Variants in AGBL1 observed in about 807,000 individuals in gnomAD.
The protein encoded by AGBL1 is AGBL carboxypeptidase 1, also known as cytosolic carboxypeptidase 4.
AGBL1 carries 130 observed loss-of-function variants against 118.9 expected under a neutral mutation model. The ratio of observed to expected loss-of-function variants is 1.09; its 90% CI spans 0.95 to 1.26. The LOEUF is 1.26. Ranked by LOEUF, AGBL1 falls within the 50% of genes most tolerant of loss-of-function variation. AGBL1 has a pLI of 0.00. For synonymous variants in AGBL1, 555 were observed against 478.9 expected, an observed-to-expected ratio of 1.16 and a Z score of -2.08; for missense variants, 1,584 against 1,298.1, an observed-to-expected ratio of 1.22 and a Z score of -3.38.
chr15:86,497,777 G>C (rs1448141958), intron 18 of AGBL1, among the ~76,000 whole-genome samples: 1 of 151,850 alleles, frequency 6.6e-6, no homozygotes, highest in Non-Finnish European at 1.5e-5. Flanking sequence ...AGAGCTACCT[G>C]GTGCACCCAG....
chr15:86,767,561 C>A (rs554443186), intron 22 of AGBL1, among the ~76,000 whole-genome samples: 1 of 151,940 alleles, frequency 6.6e-6, no homozygotes, highest in Non-Finnish European at 1.5e-5. Flanking sequence ...ATTCCTTGAA[C>A]TGAAGGAAAT....
chr15:86,254,665 G>A (rs556357804), intron 7 of AGBL1, among the ~76,000 whole-genome samples: 1 of 152,292 alleles, frequency 6.6e-6, no homozygotes, highest in African/African-American at 2.4e-5. Flanking sequence ...TGGTCCATAA[G>A]GATCCTATTT....
chr15:86,787,256 T>C (rs1024202638), intron 22 of AGBL1, among the ~76,000 whole-genome samples: 3 of 152,166 alleles, frequency 2.0e-5, no homozygotes, highest in African/African-American at 7.2e-5. Flanking sequence ...ATATGTGTGG[T>C]GAGAGCACCT....
intron 22 of AGBL1, among the ~76,000 whole-genome samples, chr15:86,674,893 G>A (rs2085810360): frequency 6.6e-6 from 1 of 152,110 alleles, no homozygotes; most frequent in Admixed American, 6.6e-5. Context: ...GAAGATGAAG[G>A]GAACCACCTG....
chr15:86,106,229 G>GGA (rs1282961008), intron 1 of AGBL1, among the ~76,000 whole-genome samples: 1 of 152,170 alleles, frequency 6.6e-6, no homozygotes, highest in African/African-American at 2.4e-5. Context: ...CTTGGTCTTT[G>GGA]TAAGATGTGA....
At chr15:86,543,816 A>G (rs962329921) in intron 19 of AGBL1, among the ~76,000 whole-genome samples, 3 of 152,218 alleles carry the variant, frequency 2.0e-5, no homozygotes, top group East Asian at 1.9e-4. Context: ...TGCTATATCC[A>G]TCTTATTCAT....
At chr15:86,087,675 C>G (rs1304422848) in intron 1 of AGBL1, among the ~76,000 whole-genome samples, 1 of 152,164 alleles carries the variant, frequency 6.6e-6, no homozygotes, top group African/African-American at 2.4e-5. Context: ...ATATTATCCT[C>G]ATTTTAAAGC....
chr15:86,968,872 A>T (rs2081079986), intron 23 of AGBL1, among the ~76,000 whole-genome samples: 1 of 151,890 alleles, frequency 6.6e-6, no homozygotes, highest in Admixed American at 6.6e-5. Context: ...TAGCTTTCTC[A>T]CATCGTGGAA....
At chr15:86,746,469 A>C (rs1199963589) in intron 22 of AGBL1, among the ~76,000 whole-genome samples, 1 of 151,994 alleles carries the variant, frequency 6.6e-6, no homozygotes, top group East Asian at 1.9e-4. Flanking sequence ...GGTTCAGAAC[A>C]TACCTTGCAC....
intron 23 of AGBL1, among the ~76,000 whole-genome samples, chr15:86,968,567 A>G (rs2081076894): frequency 6.6e-6 from 1 of 150,422 alleles, no homozygotes; most frequent in Admixed American, 6.6e-5. Flanking sequence ...AGGCCCCGTG[A>G]CTACACCATG....
In AGBL1 at chr15:86,823,281, C is replaced by T. The variant is rs75816422; in HGVS notation, c.3159-83806C>T. Among the ~76,000 whole-genome samples, 907 of 152,180 alleles carry T rather than the reference C, an allele frequency of 6.0e-3. 9 individuals are homozygous for T. Among genetic ancestry groups the T allele is most frequent in the Admixed American group, 9.8e-3 (150 of 15,276 alleles). On this transcript the variant is annotated intron_variant, in intron 22 of 22. Coordinates refer to ENST00000614907, the MANE Select transcript of AGBL1 (RefSeq NM_001386094.1). ...GCCTTGAGAGAAAGGGTGGGACATA[C>T]GACCTGAGATATGGACATTGGACGA...
At chr15:86,372,156 G>A (rs1005744393) in intron 17 of AGBL1, among the ~76,000 whole-genome samples, 1 of 152,224 alleles carries the variant, frequency 6.6e-6, no homozygotes, top group Non-Finnish European at 1.5e-5. Context: ...GGCATGAAGT[G>A]CATATGAGTT....
intron 1 of AGBL1, among the ~76,000 whole-genome samples, chr15:86,123,574 C>G (rs1041257694): frequency 6.6e-6 from 1 of 152,176 alleles, no homozygotes; most frequent in Non-Finnish European, 1.5e-5. Flanking sequence ...TCATTCCTTT[C>G]TATTGATCCC....
chr15:86,497,375 T>G (rs994513519), intron 18 of AGBL1, among the ~76,000 whole-genome samples: 2 of 152,044 alleles, frequency 1.3e-5, no homozygotes, highest in African/African-American at 4.8e-5. Context: ...AAAATTGTCT[T>G]CCCTCAGCTC....
At chr15:86,135,677 T>C (rs574431886) in intron 1 of AGBL1, among the ~76,000 whole-genome samples, 1 of 152,290 alleles carries the variant, frequency 6.6e-6, no homozygotes, top group South Asian at 2.1e-4. Flanking sequence ...GCAAGAGGAA[T>C]GAGTCAAAAA....
At chr15:86,471,357 G>C (rs944345191) in intron 18 of AGBL1, among the ~76,000 whole-genome samples, 1 of 152,086 alleles carries the variant, frequency 6.6e-6, no homozygotes, top group African/African-American at 2.4e-5. Context: ...TTATTGATTT[G>C]TATATGATGA....
chr15:86,936,351 C>G (rs2080675357), intron 23 of AGBL1, among the ~76,000 whole-genome samples: 1 of 152,012 alleles, frequency 6.6e-6, no homozygotes, highest in African/African-American at 2.4e-5. Context: ...GGTATTGTGA[C>G]AGGAAGTGCT....
chr15:86,119,804 A>T (rs28604527), intron 1 of AGBL1, among the ~76,000 whole-genome samples: 6,947 of 152,198 alleles, frequency 0.046, 531 homozygotes, highest in African/African-American at 0.16. Flanking sequence ...ATAGTTTGCC[A>T]CACATCACTT....
At chr15:86,604,725 A>C (rs2084547131) in intron 21 of AGBL1, among the ~76,000 whole-genome samples, 1 of 151,660 alleles carries the variant, frequency 6.6e-6, no homozygotes, top group Non-Finnish European at 1.5e-5. Context: ...TTAAAATTAT[A>C]TATAAATTAT....
Sources: allele counts gnomAD v4.1 joint callset (sites outside exome capture counted in the v4.1 genomes callset), GRCh38; gene constraint gnomAD v4.1.1; transcripts MANE v1.5; gene names NCBI Gene and HGNC (gene_info 2026-07-23, HGNC 2026-07-21).